Variants in IRF2 observed in about 807,000 individuals in gnomAD.
IRF2 encodes the protein interferon regulatory factor 2.
In IRF2, 15 loss-of-function variants were observed where a neutral mutation model predicts 40.6. The observed-to-expected ratio is 0.37, with a 90% CI of 0.25 to 0.57. The LOEUF is 0.57. IRF2 is among the 20% of genes least tolerant of loss of function. The pLI is 0.77. For synonymous variants in IRF2, 151 were observed against 165.5 expected, an observed-to-expected ratio of 0.91 and a Z score of 0.67; for missense variants, 317 against 455.7, an observed-to-expected ratio of 0.70 and a Z score of 2.77.
At chr4:184,466,994 A>G (rs940881445) in intron 1 of IRF2, among the ~76,000 whole-genome samples, 2 of 152,170 alleles carry the variant, frequency 1.3e-5, no homozygotes, top group Non-Finnish European at 2.9e-5. Context: ...TTGATGACCT[A>G]AACGTTGTGA....
rs147395709 is a variant in IRF2, at chr4:184,422,209, C to T, written c.88-2641G>A. Among the ~76,000 whole-genome samples, 432 of 152,270 alleles carry T rather than the reference C, an allele frequency of 2.8e-3. 1 individual carries two copies. Among genetic ancestry groups the T allele is most frequent in the Middle Eastern group, 0.014 (4 of 294 alleles). On this transcript the variant is annotated intron_variant, in intron 2 of 8. Coordinates refer to ENST00000393593, the MANE Select transcript of IRF2 (RefSeq NM_002199.4). ...CCTCGTTTTTTTATAAATTACCCAG[C>T]CCCAGGTAGTCCTTTGTAGCAACAT...
intron 2 of IRF2, 38 bp downstream of exon 2, chr4:184,428,940 G>C: frequency 4.6e-6 from 7 of 1,510,158 alleles, no homozygotes; most frequent in Non-Finnish European, 6.5e-6. Flanking sequence ...TTTCAGCCAG[G>C]ACCTCTCTCA....
At chr4:184,397,201 T>C (rs918608627) in intron 7 of IRF2, among the ~76,000 whole-genome samples, 1 of 152,180 alleles carries the variant, frequency 6.6e-6, no homozygotes, top group African/African-American at 2.4e-5. Flanking sequence ...CTAGCATAAA[T>C]GCACACTAGG....
chr4:184,401,797 C>T (rs957972890), intron 6 of IRF2, among the ~76,000 whole-genome samples: 2 of 152,192 alleles, frequency 1.3e-5, no homozygotes, highest in Admixed American at 6.5e-5. Context: ...CAGTGAAGGT[C>T]TTAGATAAAT....
chr4:184,472,717 CG>C (rs1053252207), intron 1 of IRF2: 2 of 152,140 alleles, frequency 1.3e-5, no homozygotes, highest in African/African-American at 4.8e-5. Flanking sequence ...CAGACAGTAG[CG>C]GGTCAGAAAC....
chr4:184,464,483 T>C (rs1016533369), intron 1 of IRF2, among the ~76,000 whole-genome samples: 2 of 152,156 alleles, frequency 1.3e-5, no homozygotes, highest in African/African-American at 4.8e-5. Context: ...GTACAGGACA[T>C]GAAGATAGGG....
At chr4:184,446,797 A>G (rs1189025806) in intron 1 of IRF2, among the ~76,000 whole-genome samples, 1 of 150,730 alleles carries the variant, frequency 6.6e-6, no homozygotes, top group East Asian at 1.9e-4. Context: ...ACTAAAAATA[A>G]AAAAAAAATT....
chr4:184,429,163 T>G, intron 1 of IRF2, 93 bp from the exon 2 acceptor site: 1 of 764,864 alleles, frequency 1.3e-6, no homozygotes, highest in Non-Finnish European at 2.2e-6. Context: ...TCTTTCCTTC[T>G]CTCCTTTCCT....
intron 7 of IRF2, among the ~76,000 whole-genome samples, chr4:184,396,912 G>A (rs189615050): frequency 3.3e-5 from 5 of 152,292 alleles, no homozygotes; most frequent in Admixed American, 2.0e-4. Flanking sequence ...AGACCAACCT[G>A]GGCAGCAAGG....
rs1736137110 is a variant in IRF2, at chr4:184,388,584, T to G, written c.*174A>C. On this transcript the variant is annotated 3_prime_UTR_variant, in exon 9 of 9. Coordinates refer to ENST00000393593, the MANE Select transcript of IRF2 (RefSeq NM_002199.4). This position sits in a 1 kb window ranked among gnomAD's most constrained non-coding sequence, Gnocchi z 4.6. ...CACGTCTACCAATGGGCTGGAGTCC[T>G]GAGTTAAAGAGAAGCTCCAGTACTG... The G allele has an allele frequency of 1.6e-6, 1 of 636,584 alleles. No individual in the cohort carries two copies. The highest frequency in any genetic ancestry group is 2.6e-6 in the Non-Finnish European group (1 of 378,766). 39.4% of individuals were successfully genotyped at this position (636,584 alleles called of 1,614,324 possible). A position where few individuals can be genotyped will look rare whatever the true frequency, so the allele number is the denominator to read the frequency against.
intron 1 of IRF2, among the ~76,000 whole-genome samples, chr4:184,438,497 C>T (rs908781110): frequency 6.6e-6 from 1 of 152,050 alleles, no homozygotes; most frequent in Non-Finnish European, 1.5e-5. Flanking sequence ...TATACTGGTC[C>T]TGGGGTTGAA....
chr4:184,466,632 A>G (rs2149919528), intron 1 of IRF2, among the ~76,000 whole-genome samples: 1 of 152,350 alleles, frequency 6.6e-6, no homozygotes, highest in South Asian at 2.1e-4. Flanking sequence ...CTCCAAAGGC[A>G]ATTTTAGATT....
intron 1 of IRF2, among the ~76,000 whole-genome samples, chr4:184,447,910 T>G (rs1474365667): frequency 6.6e-6 from 1 of 152,208 alleles, no homozygotes; most frequent in Non-Finnish European, 1.5e-5. Context: ...GACTGAGACA[T>G]TCCAACAGGA....
chr4:184,439,743 T>C (rs527866960), intron 1 of IRF2, among the ~76,000 whole-genome samples: 27 of 152,224 alleles, frequency 1.8e-4, no homozygotes, highest in Non-Finnish European at 3.1e-4. Context: ...ATAGCTGCTT[T>C]ATAAAATTTA....
intron 7 of IRF2, among the ~76,000 whole-genome samples, chr4:184,396,730 A>G (rs949852200): frequency 1.3e-5 from 2 of 152,092 alleles, no homozygotes; most frequent in African/African-American, 4.8e-5. Flanking sequence ...CACCACACCC[A>G]GCCAGATTCC....
chr4:184,405,773 G>A (rs749429955), intron 6 of IRF2, among the ~76,000 whole-genome samples: 29 of 152,246 alleles, frequency 1.9e-4, no homozygotes, highest in South Asian at 2.1e-4. Context: ...ACGAGGCAGC[G>A]GCAGCCAGGG....
At chr4:184,419,601 C>T (rs1737408273) in intron 2 of IRF2, 33 bp from the exon 3 acceptor site, 1 of 1,316,604 alleles carries the variant, frequency 7.6e-7, no homozygotes, top group Non-Finnish European at 1.0e-6. Context: ...AGGTAAAGAA[C>T]TGGAGTCATG....
chr4:184,421,437 T>C (rs766166503), intron 2 of IRF2, among the ~76,000 whole-genome samples: 5 of 152,206 alleles, frequency 3.3e-5, no homozygotes, highest in Admixed American at 2.6e-4. Flanking sequence ...TGACATTTTA[T>C]GCTTTAATGT....
intron 8 of IRF2, among the ~76,000 whole-genome samples, chr4:184,390,242 T>C (rs1736207238): frequency 6.6e-6 from 1 of 152,106 alleles, no homozygotes; most frequent in Admixed American, 6.5e-5. Flanking sequence ...CCACTCGGAA[T>C]CGAGATGGGG....
Sources: allele counts gnomAD v4.1 joint callset (sites outside exome capture counted in the v4.1 genomes callset), GRCh38; gene constraint gnomAD v4.1.1; non-coding constraint Gnocchi (gnomAD v3.1); transcripts MANE v1.5; gene names NCBI Gene and HGNC (gene_info 2026-07-23, HGNC 2026-07-21).